The following ST7 variants were observed in gnomAD, a reference collection of about 807,000 sequenced individuals.
ST7 encodes the protein suppressor of tumorigenicity 7 protein.
A neutral mutation model predicts 78.7 loss-of-function variants in ST7; 28 were observed. That is an observed-to-expected ratio of 0.36 (90% CI 0.26 to 0.49). ST7 has a LOEUF of 0.49. Ranked by LOEUF, ST7 falls within the 20% of genes least tolerant of loss-of-function variation. The pLI is 0.99. For missense variants in ST7, 418 were observed against 696.0 expected, an observed-to-expected ratio of 0.60 and a Z score of 4.49; for synonymous variants, 247 against 249.6, an observed-to-expected ratio of 0.99 and a Z score of 0.10.
At chr7:117,026,436 A>C (rs553528331) in intron 1 of ST7, among the ~76,000 whole-genome samples, 1 of 152,254 alleles carries the variant, frequency 6.6e-6, no homozygotes, top group East Asian at 1.9e-4. Flanking sequence ...AAGAAAATGC[A>C]CAAATGCTAT....
intron 1 of ST7, among the ~76,000 whole-genome samples, chr7:117,088,152 T>A (rs933536070): frequency 1.3e-5 from 2 of 152,200 alleles, no homozygotes; most frequent in Non-Finnish European, 2.9e-5. Context: ...CTTATCCTTC[T>A]TTCCAAGCCC....
At chr7:117,167,611 G>A (rs941600993) in intron 9 of ST7, among the ~76,000 whole-genome samples, 1 of 152,106 alleles carries the variant, frequency 6.6e-6, no homozygotes, top group African/African-American at 2.4e-5. Flanking sequence ...TGGAGATGCT[G>A]ATGCTGAGAC....
intron 1 of ST7, among the ~76,000 whole-genome samples, chr7:116,962,367 G>A (rs1490842373): frequency 6.6e-6 from 1 of 152,154 alleles, no homozygotes; most frequent in Non-Finnish European, 1.5e-5. Flanking sequence ...TCGCCACACT[G>A]TCTTCCACAA....
chr7:117,105,686 C>T (rs1293087870), intron 2 of ST7, among the ~76,000 whole-genome samples: 1 of 152,140 alleles, frequency 6.6e-6, no homozygotes, highest in Non-Finnish European at 1.5e-5. Context: ...TTGTGTATTT[C>T]AGAATAGTCA....
At chr7:117,086,866 G>A (rs1046235662) in intron 1 of ST7, among the ~76,000 whole-genome samples, 2 of 152,150 alleles carry the variant, frequency 1.3e-5, no homozygotes, top group Non-Finnish European at 2.9e-5. Flanking sequence ...AAAGCCAAAC[G>A]TAGTTATTGG....
chr7:117,132,112 A>G, intron 6 of ST7, 152 bp downstream of exon 6: 1 of 675,922 alleles, frequency 1.5e-6, no homozygotes, highest in South Asian at 2.2e-5. Flanking sequence ...TTTTTTTTTT[A>G]AATGAAGGAC....
chr7:117,141,922 G>A (rs1016075973), intron 9 of ST7, among the ~76,000 whole-genome samples: 1 of 151,758 alleles, frequency 6.6e-6, no homozygotes, highest in African/African-American at 2.4e-5. Flanking sequence ...CACCCACTTC[G>A]GCCTCCCAAA....
intron 2 of ST7, among the ~76,000 whole-genome samples, chr7:117,105,288 G>A (rs1171383254): frequency 1.3e-5 from 2 of 152,214 alleles, no homozygotes; most frequent in East Asian, 1.9e-4. Context: ...AAGATACAGA[G>A]TAGATTGGTG....
intron 12 of ST7, among the ~76,000 whole-genome samples, chr7:117,205,291 C>T (rs1407239173): frequency 6.6e-6 from 1 of 152,036 alleles, no homozygotes; most frequent in African/African-American, 2.4e-5. Context: ...GTATGATGAA[C>T]ATTTCCCTGT....
At chr7:117,152,108 G>C (rs1175590249) in intron 9 of ST7, among the ~76,000 whole-genome samples, 1 of 137,408 alleles carries the variant, frequency 7.3e-6, no homozygotes, top group Admixed American at 7.6e-5. Flanking sequence ...GACAGAGTGA[G>C]ACACCATCTC....
intron 1 of ST7, among the ~76,000 whole-genome samples, chr7:116,976,160 G>A (rs564708661): frequency 6.6e-6 from 1 of 152,104 alleles, no homozygotes; most frequent in Admixed American, 6.6e-5. Flanking sequence ...AGCTACTTGG[G>A]AGGCTGAGGG....
intron 14 of ST7, among the ~76,000 whole-genome samples, chr7:117,220,653 A>C (rs769364784): frequency 7.6e-4 from 116 of 152,232 alleles, no homozygotes; most frequent in Non-Finnish European, 1.2e-3. Context: ...CAGTGCTCCA[A>C]GTCTGGTCTC....
chr7:117,071,682 T>A (rs568326737), intron 1 of ST7, among the ~76,000 whole-genome samples: 8 of 152,362 alleles, frequency 5.3e-5, no homozygotes, highest in Admixed American at 5.2e-4. Flanking sequence ...AGGAGTGCGG[T>A]AACTCAGTTA....
intron 11 of ST7, among the ~76,000 whole-genome samples, chr7:117,189,975 G>T (rs528007563): frequency 6.6e-6 from 1 of 152,300 alleles, no homozygotes; most frequent in South Asian, 2.1e-4. Flanking sequence ...AACTGCTTTT[G>T]AGTTCATAAA....
chr7:117,221,788 C>T, intron 14 of ST7, 135 bp from the exon 15 acceptor site: 1 of 1,006,914 alleles, frequency 9.9e-7, no homozygotes, highest in Admixed American at 2.9e-5. Context: ...TATGGTTTGT[C>T]AGGTGTGCTA....
chr7:117,172,161 C>T (rs1026729806), intron 10 of ST7, among the ~76,000 whole-genome samples: 3 of 152,096 alleles, frequency 2.0e-5, no homozygotes, highest in African/African-American at 7.2e-5. Context: ...TTATGTTACC[C>T]AGGCTGGTCT....
intron 10 of ST7, among the ~76,000 whole-genome samples, chr7:117,177,852 T>G (rs1026239032): frequency 6.6e-6 from 1 of 152,194 alleles, no homozygotes; most frequent in Non-Finnish European, 1.5e-5. Context: ...TTAAGGAGAA[T>G]CCTGTATGTC....
intron 1 of ST7, among the ~76,000 whole-genome samples, chr7:117,094,937 A>T (rs1042339634): frequency 2.0e-5 from 3 of 151,470 alleles, no homozygotes; most frequent in African/African-American, 7.3e-5. Flanking sequence ...TCCATTTTGC[A>T]TGTCATATTT....
intron 1 of ST7, among the ~76,000 whole-genome samples, chr7:117,096,930 A>G (rs1227116902): frequency 6.6e-6 from 1 of 152,188 alleles, no homozygotes; most frequent in African/African-American, 2.4e-5. Context: ...GAAGTCTGCC[A>G]CCTTCCTATA....
Sources: allele counts gnomAD v4.1 joint callset (sites outside exome capture counted in the v4.1 genomes callset), GRCh38; gene constraint gnomAD v4.1.1; transcripts MANE v1.5; gene names NCBI Gene and HGNC (gene_info 2026-07-23, HGNC 2026-07-21).